The following UST variants were observed in gnomAD, a reference collection of about 807,000 sequenced individuals.
UST encodes uronyl 2-sulfotransferase, also known as chondroitin sulfate 2-O-sulfotransferase.
Under a neutral mutation model 45.6 loss-of-function variants are expected in UST, and 21 were observed. That is an observed-to-expected ratio of 0.46 (90% CI 0.33 to 0.66). The LOEUF is 0.66. Ranked by LOEUF, UST falls within the 30% of genes least tolerant of loss-of-function variation. UST has a pLI of 0.02. For synonymous variants in UST, 215 were observed against 200.6 expected, an observed-to-expected ratio of 1.07 and a Z score of -0.61; for missense variants, 463 against 512.4, an observed-to-expected ratio of 0.90 and a Z score of 0.93.
intron 7 of UST, among the ~76,000 whole-genome samples, chr6:149,051,128 C>T (rs1776477835): frequency 6.6e-6 from 1 of 152,224 alleles, no homozygotes; most frequent in African/African-American, 2.4e-5. Context: ...AGAGTGAGGG[C>T]CACAGACCAG....
intron 1 of UST, among the ~76,000 whole-genome samples, chr6:148,765,059 C>T (rs893201836): frequency 1.4e-4 from 22 of 152,272 alleles, no homozygotes; most frequent in African/African-American, 4.1e-4. Context: ...AAGAATTTAG[C>T]GGTATTTCTC....
chr6:148,867,325 C>CAT (rs1778461356), intron 1 of UST, among the ~76,000 whole-genome samples: 1 of 92,824 alleles, frequency 1.1e-5, no homozygotes, highest in South Asian at 3.6e-4. Context: ...CACACACACA[C>CAT]ACATATATAT....
intron 2 of UST, among the ~76,000 whole-genome samples, chr6:148,890,946 G>A (rs555392702): frequency 3.9e-5 from 6 of 152,252 alleles, no homozygotes; most frequent in African/African-American, 1.4e-4. Context: ...AAGCATGATA[G>A]CTCTTTTTGT....
At position 148,930,325 on chromosome 6, in the gene UST, G is replaced by A. The variant is rs374262361; in HGVS notation, c.292-10954G>A. Among the ~76,000 whole-genome samples, 5 of 152,290 alleles carry A rather than the reference G, an allele frequency of 3.3e-5. No individual in the cohort carries two copies. In the East Asian group the frequency reaches 5.8e-4, roughly 18 times the overall value. On this transcript the variant is annotated intron_variant, in intron 2 of 7. Transcript: ENST00000367463. ...CAATTATTTATTGAGTGCCTACTAT[G>A]TGCCAGGCATTGAGCTGAACACTGA...
intron 5 of UST, among the ~76,000 whole-genome samples, chr6:148,985,778 G>T (rs545913757): frequency 1.3e-5 from 2 of 152,094 alleles, no homozygotes; most frequent in Non-Finnish European, 2.9e-5. Context: ...AACCTAAAGC[G>T]CAAGGAGATT....
At chr6:148,890,877 A>C (rs780841790) in intron 2 of UST, among the ~76,000 whole-genome samples, 14 of 152,240 alleles carry the variant, frequency 9.2e-5, no homozygotes, top group Non-Finnish European at 1.9e-4. Context: ...ACTGACTAAG[A>C]ATCACCATGG....
intron 1 of UST, among the ~76,000 whole-genome samples, chr6:148,780,119 GTA>G (rs1233121331): frequency 3.6e-5 from 5 of 140,354 alleles, no homozygotes; most frequent in South Asian, 2.2e-4. Context: ...ACATGTGTGT[GTA>G]TATATATACA....
chr6:148,949,660 A>G (rs2114934093), intron 3 of UST, among the ~76,000 whole-genome samples: 1 of 152,264 alleles, frequency 6.6e-6, no homozygotes, highest in East Asian at 1.9e-4. Flanking sequence ...TCAGTTAACT[A>G]TACATTTCTT....
chr6:149,029,910 G>T (rs1280090158), intron 7 of UST, among the ~76,000 whole-genome samples: 2 of 140,058 alleles, frequency 1.4e-5, no homozygotes, highest in Non-Finnish European at 3.1e-5. Flanking sequence ...GTGTGTGTGT[G>T]GTGTGTGCAC....
chr6:149,010,156 A>G (rs1775782122), intron 5 of UST, among the ~76,000 whole-genome samples: 1 of 152,206 alleles, frequency 6.6e-6, no homozygotes, highest in Non-Finnish European at 1.5e-5. Context: ...GACATGTACT[A>G]CAAGTTCCCT....
At chr6:148,968,093 C>A (rs1266409850) in intron 5 of UST, among the ~76,000 whole-genome samples, 2 of 152,170 alleles carry the variant, frequency 1.3e-5, no homozygotes, top group Non-Finnish European at 2.9e-5. Flanking sequence ...GATTCCACTT[C>A]GGTGCTGTTT....
intron 7 of UST, among the ~76,000 whole-genome samples, chr6:149,033,842 A>T (rs1211216978): frequency 1.3e-5 from 2 of 152,234 alleles, no homozygotes; most frequent in Non-Finnish European, 2.9e-5. Flanking sequence ...TATAATTAAA[A>T]ATCAAATAGT....
At chr6:148,796,963 C>T (rs9485331) in intron 1 of UST, among the ~76,000 whole-genome samples, 49,297 of 151,566 alleles carry the variant, frequency 0.33, 8,825 homozygotes, top group East Asian at 0.61. Flanking sequence ...CCATGATGTC[C>T]GGCTATGTTT....
chr6:148,900,159 G>A (rs527581823), intron 2 of UST, among the ~76,000 whole-genome samples: 3 of 152,074 alleles, frequency 2.0e-5, no homozygotes, highest in Non-Finnish European at 2.9e-5. Flanking sequence ...TCTCCCTGGA[G>A]CCTTCACACA....
chr6:148,849,470 G>GA (rs1200952644), intron 1 of UST, among the ~76,000 whole-genome samples: 4 of 152,012 alleles, frequency 2.6e-5, no homozygotes, highest in African/African-American at 4.8e-5. Flanking sequence ...TTTACCTTGA[G>GA]AAAAAAATGC....
intron 1 of UST, among the ~76,000 whole-genome samples, chr6:148,795,495 T>C (rs1776931979): frequency 6.6e-6 from 1 of 152,064 alleles, no homozygotes; most frequent in East Asian, 1.9e-4. Flanking sequence ...TCTTAAGGAG[T>C]AGGTTTTGGG....
At chr6:149,011,073 C>T (rs888069070) in intron 5 of UST, among the ~76,000 whole-genome samples, 22 of 24,208 alleles carry the variant, frequency 9.1e-4, no homozygotes, top group Middle Eastern at 0.022. Context: ...CTAGCGCTCC[C>T]AATGAGTTAA....
At chr6:148,908,139 C>G (rs928829889) in intron 2 of UST, among the ~76,000 whole-genome samples, 1 of 152,028 alleles carries the variant, frequency 6.6e-6, no homozygotes, top group East Asian at 1.9e-4. Context: ...AAACTCCTGA[C>G]CAGGGTCTCA....
intron 5 of UST, among the ~76,000 whole-genome samples, chr6:148,976,987 G>T (rs1781028610): frequency 6.6e-6 from 1 of 151,868 alleles, no homozygotes; most frequent in Non-Finnish European, 1.5e-5. Context: ...GAGTTTTGTT[G>T]TTATTCATGT....
Sources: allele counts gnomAD v4.1 joint callset (sites outside exome capture counted in the v4.1 genomes callset), GRCh38; gene constraint gnomAD v4.1.1; transcripts MANE v1.5; gene names NCBI Gene and HGNC (gene_info 2026-07-23, HGNC 2026-07-21).